The following BAZ2B variants were observed in gnomAD, a reference collection of about 807,000 sequenced individuals.
BAZ2B encodes bromodomain adjacent to zinc finger domain 2B.
BAZ2B carries 91 observed loss-of-function variants against 246.0 expected under a neutral mutation model. The ratio of observed to expected loss-of-function variants is 0.37; its 90% confidence interval spans 0.31 to 0.44. The LOEUF is 0.44. Ranked by LOEUF, BAZ2B falls within the 20% of genes least tolerant of loss-of-function variation. The pLI is 1.00. For missense variants in BAZ2B, 2,332 were observed against 2,533.7 expected (o/e 0.92, Z 1.71); for synonymous variants, 855 against 860.0 (o/e 0.99, Z 0.10).
intron 19 of BAZ2B, chr2:159,397,067 C>G: frequency 7.1e-7 from 1 of 1,399,420 alleles, no homozygotes; most frequent in Non-Finnish European, 9.5e-7. Flanking sequence ...AATAAACATA[C>G]CCATACCATA....
chr2:159,701,677 ATATTG>A, the BAZ2B span, among the ~76,000 whole-genome samples: 1 of 148,000 alleles, frequency 6.8e-6, no homozygotes, highest in Non-Finnish European at 1.5e-5. Context: ...TTTATATTTT[ATATTG>A]TATTATATTA....
At chr2:159,661,325 C>A in the BAZ2B span, among the ~76,000 whole-genome samples, 1 of 152,240 alleles carries the variant, frequency 6.6e-6, no homozygotes, top group Admixed American at 6.5e-5. Flanking sequence ...ACTACAGTTT[C>A]TTTATTCATT....
At chr2:159,516,113 C>T (rs1411280759) in intron 2 of BAZ2B, among the ~76,000 whole-genome samples, 1 of 151,932 alleles carries the variant, frequency 6.6e-6, no homozygotes, top group Non-Finnish European at 1.5e-5. Context: ...TTTAAAAAAT[C>T]CTCCAAACTT....
At chr2:159,522,039 T>A (rs1443773415) in intron 2 of BAZ2B, among the ~76,000 whole-genome samples, 1 of 152,032 alleles carries the variant, frequency 6.6e-6, no homozygotes, top group African/African-American at 2.4e-5. Flanking sequence ...ATCATTAAAA[T>A]GAAAATTATT....
intron 2 of BAZ2B, among the ~76,000 whole-genome samples, chr2:159,546,825 A>T (rs2087422544): frequency 6.6e-6 from 1 of 152,120 alleles, no homozygotes; most frequent in African/African-American, 2.4e-5. Context: ...CCTGTGTTGA[A>T]GTAAATTGCC....
chr2:159,635,362 A>C, the BAZ2B span, among the ~76,000 whole-genome samples: 95 of 150,794 alleles, frequency 6.3e-4, no homozygotes, highest in Non-Finnish European at 1.3e-3. Context: ...ATGTAAAAAA[A>C]AAATAAAAAT....
intron 25 of BAZ2B, among the ~76,000 whole-genome samples, chr2:159,378,607 A>G (rs1351782032): frequency 1.3e-5 from 2 of 152,220 alleles, no homozygotes; most frequent in Non-Finnish European, 2.9e-5. Flanking sequence ...AATAGCAAAA[A>G]CCAGATAACC....
chr2:159,678,801 A>G, the BAZ2B span, among the ~76,000 whole-genome samples: 5 of 152,198 alleles, frequency 3.3e-5, no homozygotes, highest in African/African-American at 1.2e-4. Flanking sequence ...ATACACCTCC[A>G]AAATCCCTTG....
chr2:159,427,214 A>T (rs534949584), intron 13 of BAZ2B, among the ~76,000 whole-genome samples: 1 of 152,278 alleles, frequency 6.6e-6, no homozygotes, highest in South Asian at 2.1e-4. Context: ...CTTTCAATGC[A>T]GCTAAAGGGA....
At chr2:159,683,918 T>A in the BAZ2B span, among the ~76,000 whole-genome samples, 1 of 152,160 alleles carries the variant, frequency 6.6e-6, no homozygotes, top group Non-Finnish European at 1.5e-5. Flanking sequence ...CACTTTCAGG[T>A]TCTAGAAATT....
At chr2:159,324,674 AC>A (rs2063206144) in intron 36 of BAZ2B, 136 bp downstream of exon 36, 1 of 273,468 alleles carries the variant, frequency 3.7e-6, no homozygotes, top group Admixed American at 6.9e-5. Context: ...ACACACACAC[AC>A]ACACACACAC....
the BAZ2B span, among the ~76,000 whole-genome samples, chr2:159,657,477 A>C: frequency 1.3e-5 from 2 of 152,156 alleles, no homozygotes; most frequent in African/African-American, 2.4e-5. Context: ...CTTCAGAATC[A>C]GCTTGTTGAT....
At chr2:159,522,727 A>G (rs775876115) in intron 2 of BAZ2B, among the ~76,000 whole-genome samples, 18 of 152,234 alleles carry the variant, frequency 1.2e-4, no homozygotes, top group Non-Finnish European at 2.1e-4. Context: ...CAGAACGATC[A>G]ATCAATCTAA....
chr2:159,357,590 G>C (rs2059245456), intron 27 of BAZ2B, among the ~76,000 whole-genome samples: 1 of 151,954 alleles, frequency 6.6e-6, no homozygotes, highest in Non-Finnish European at 1.5e-5. Flanking sequence ...TAGCAAGACA[G>C]GCCAACATTA....
At chr2:159,347,907 G>T (rs2058109320) in intron 30 of BAZ2B, among the ~76,000 whole-genome samples, 1 of 152,108 alleles carries the variant, frequency 6.6e-6, no homozygotes, top group Non-Finnish European at 1.5e-5. Flanking sequence ...GAGTAAAACA[G>T]AAAAAAATAG....
chr2:159,335,703 G>A (rs1213618975), intron 33 of BAZ2B, among the ~76,000 whole-genome samples: 1 of 152,166 alleles, frequency 6.6e-6, no homozygotes, highest in Non-Finnish European at 1.5e-5. Context: ...ATAAGGCCTT[G>A]AGTAGTCTAA....
chr2:159,600,190 G>T (rs867381953), intron 1 of BAZ2B, among the ~76,000 whole-genome samples: 2 of 152,124 alleles, frequency 1.3e-5, no homozygotes, highest in Non-Finnish European at 2.9e-5. Flanking sequence ...AAGGAAGCCT[G>T]TGTAGTTAAT....
chr2:159,495,774 CT>C (rs199528121), intron 2 of BAZ2B, among the ~76,000 whole-genome samples: 216 of 136,708 alleles, frequency 1.6e-3, no homozygotes, highest in Middle Eastern at 3.9e-3. Flanking sequence ...AGAAGAAATA[CT>C]TTTTTTTTTT....
the BAZ2B span, among the ~76,000 whole-genome samples, chr2:159,692,266 T>G: frequency 2.6e-5 from 4 of 152,118 alleles, no homozygotes; most frequent in Admixed American, 2.6e-4. Context: ...GCGATTCTCC[T>G]GCCTCAGCCT....
Sources: gnomAD v4.1 joint callset for allele counts (sites outside exome capture counted in the v4.1 genomes callset) on GRCh38, gnomAD v4.1.1 for gene constraint, MANE v1.5 for transcripts, NCBI Gene and HGNC (gene_info 2026-07-23, HGNC 2026-07-21) for gene names.